AFG2A: variants seen among roughly 807,000 people sequenced by gnomAD.
The protein encoded by AFG2A is ATPase family gene 2 protein homolog A.
chr4:122,948,478 T>A, the AFG2A span, among the ~76,000 whole-genome samples: 1,752 of 151,094 alleles, frequency 0.012, 14 homozygotes, highest in Middle Eastern at 0.078. Context: ...ATGATGACAA[T>A]ATTTATTGAT....
At chr4:123,292,019 A>T in the AFG2A span, among the ~76,000 whole-genome samples, 1 of 152,096 alleles carries the variant, frequency 6.6e-6, no homozygotes, top group African/African-American at 2.4e-5. Flanking sequence ...TTAGGTTTGG[A>T]CGTTTTATAT....
the AFG2A span, among the ~76,000 whole-genome samples, chr4:123,306,516 G>GTA: frequency 0.025 from 3,759 of 150,982 alleles, 152 homozygotes; most frequent in African/African-American, 0.086. Flanking sequence ...GCAAAAAGCT[G>GTA]TATATATATA....
At chr4:122,998,992 A>G in the AFG2A span, among the ~76,000 whole-genome samples, 1 of 151,816 alleles carries the variant, frequency 6.6e-6, no homozygotes, top group South Asian at 2.1e-4. Context: ...TGACTTTTTA[A>G]TGATCGCCAT....
the AFG2A span, among the ~76,000 whole-genome samples, chr4:123,034,441 A>G: frequency 6.6e-6 from 1 of 152,228 alleles, no homozygotes; most frequent in Non-Finnish European, 1.5e-5. Context: ...ATCACTGACT[A>G]GTACTCCTCA....
At chr4:122,932,282 A>C in the AFG2A span, among the ~76,000 whole-genome samples, 1 of 152,080 alleles carries the variant, frequency 6.6e-6, no homozygotes, top group Non-Finnish European at 1.5e-5. Flanking sequence ...CTCAAAAAAA[A>C]AAAAAAGTGA....
chr4:123,186,765 A>G, the AFG2A span, among the ~76,000 whole-genome samples: 4 of 152,170 alleles, frequency 2.6e-5, no homozygotes, highest in Admixed American at 2.6e-4. Context: ...GGTGGTGTGC[A>G]GTGTAAAGCT....
the AFG2A span, among the ~76,000 whole-genome samples, chr4:123,272,762 A>G: frequency 6.6e-6 from 1 of 150,608 alleles, no homozygotes; most frequent in African/African-American, 2.5e-5. Flanking sequence ...TGAAGTCAAA[A>G]TAATAGTTGA....
At chr4:123,008,620 A>C in the AFG2A span, among the ~76,000 whole-genome samples, 2 of 152,198 alleles carry the variant, frequency 1.3e-5, no homozygotes, top group African/African-American at 4.8e-5. Flanking sequence ...TGTACTCTTT[A>C]GAGAACTGCT....
At chr4:122,975,212 A>G in the AFG2A span, among the ~76,000 whole-genome samples, 1 of 152,214 alleles carries the variant, frequency 6.6e-6, no homozygotes, top group African/African-American at 2.4e-5. Flanking sequence ...TTTGCATCCA[A>G]GATGGTGCCT....
At chr4:123,095,356 C>T in the AFG2A span, among the ~76,000 whole-genome samples, 1 of 151,756 alleles carries the variant, frequency 6.6e-6, no homozygotes, top group African/African-American at 2.4e-5. Flanking sequence ...AGTGTATGTC[C>T]TTGTCAAGTT....
the AFG2A span, among the ~76,000 whole-genome samples, chr4:123,124,989 C>T: frequency 6.6e-6 from 1 of 152,140 alleles, no homozygotes; most frequent in Admixed American, 6.5e-5. Flanking sequence ...TGAGTTCTTA[C>T]GAACACCTTT....
chr4:123,067,333 A>G, the AFG2A span, among the ~76,000 whole-genome samples: 4 of 152,044 alleles, frequency 2.6e-5, no homozygotes, highest in African/African-American at 7.2e-5. Context: ...CCTGGCCAGC[A>G]TGGCGAAACC....
the AFG2A span, chr4:123,057,284 G>A: frequency 6.2e-7 from 1 of 1,613,202 alleles, no homozygotes. Flanking sequence ...AGTTGAAAGG[G>A]GCAGGTAAGA....
At chr4:123,292,342 C>G in the AFG2A span, among the ~76,000 whole-genome samples, 3 of 152,092 alleles carry the variant, frequency 2.0e-5, no homozygotes, top group Non-Finnish European at 4.4e-5. Context: ...TAATAGTCAG[C>G]ATTTTGAATT....
At chr4:123,070,433 C>G in the AFG2A span, among the ~76,000 whole-genome samples, 1 of 152,010 alleles carries the variant, frequency 6.6e-6, no homozygotes, top group Non-Finnish European at 1.5e-5. Flanking sequence ...GGCTTAGAAA[C>G]AAAAGTTTGT....
At chr4:123,124,939 C>T in the AFG2A span, among the ~76,000 whole-genome samples, 4 of 152,166 alleles carry the variant, frequency 2.6e-5, no homozygotes, top group South Asian at 2.1e-4. Flanking sequence ...TTTTGTTTGG[C>T]GATTCTAAAA....
the AFG2A span, among the ~76,000 whole-genome samples, chr4:123,091,117 T>C: frequency 6.6e-6 from 1 of 152,160 alleles, no homozygotes; most frequent in African/African-American, 2.4e-5. Flanking sequence ...GGCTAAAGTG[T>C]TGGAGGACAT....
the AFG2A span, among the ~76,000 whole-genome samples, chr4:123,245,450 A>C: frequency 6.6e-6 from 1 of 152,224 alleles, no homozygotes; most frequent in Admixed American, 6.5e-5. Context: ...TTTTTTAAAA[A>C]GCAGATTCAC....
the AFG2A span, among the ~76,000 whole-genome samples, chr4:123,004,314 A>C: frequency 1.3e-4 from 20 of 152,310 alleles, no homozygotes; most frequent in East Asian, 2.7e-3. Flanking sequence ...CACTGCACCC[A>C]CTGTCCTGCG....
Sources: allele counts gnomAD v4.1 joint callset (sites outside exome capture counted in the v4.1 genomes callset), GRCh38; gene constraint gnomAD v4.1.1; transcripts MANE v1.5; gene names NCBI Gene and HGNC (gene_info 2026-07-23, HGNC 2026-07-21).